ATP8A2: variants seen among roughly 807,000 people sequenced by gnomAD.
ATP8A2 encodes the protein phospholipid-transporting ATPase IB.
A neutral mutation model predicts 165.6 loss-of-function variants in ATP8A2; 100 were observed. The ratio of observed to expected loss-of-function variants is 0.60; its 90% CI spans 0.51 to 0.71. The LOEUF (loss-of-function observed/expected upper bound fraction) is 0.71, where lower values mean the gene tolerates loss of function less well. Among genes scored for constraint, ATP8A2 ranks in the 30% least tolerant of loss-of-function variants. The probability of loss-of-function intolerance (pLI) is 0.00; values close to 1 mark genes in which losing one functional copy is unlikely to be tolerated. For synonymous variants in ATP8A2, 543 were observed against 548.8 expected (o/e 0.99, Z 0.15); for missense variants, 1,227 against 1,479.5 (o/e 0.83, Z 2.80).
At chr13:25,652,002 T>C (rs2041824419) in intron 24 of ATP8A2, among the ~76,000 whole-genome samples, 1 of 152,208 alleles carries the variant, frequency 6.6e-6, no homozygotes, top group Admixed American at 6.5e-5. Flanking sequence ...AATCAAACTA[T>C]GTCTCTGATC....
chr13:25,601,610 G>A (rs1223736438), intron 24 of ATP8A2, among the ~76,000 whole-genome samples: 7 of 152,058 alleles, frequency 4.6e-5, no homozygotes, highest in Non-Finnish European at 7.4e-5. Flanking sequence ...GACTACAGGC[G>A]CGCTACAGGC....
intron 33 of ATP8A2, among the ~76,000 whole-genome samples, chr13:25,922,222 T>A (rs1215894289): frequency 6.6e-6 from 1 of 152,186 alleles, no homozygotes; most frequent in Non-Finnish European, 1.5e-5. Context: ...TGTGGTCAGT[T>A]TATTATGCTT....
At chr13:25,476,785 A>G (rs1345032725) in intron 2 of ATP8A2, among the ~76,000 whole-genome samples, 6 of 152,160 alleles carry the variant, frequency 3.9e-5, no homozygotes, top group Non-Finnish European at 7.4e-5. Flanking sequence ...AAGTGGATAT[A>G]CTTGGTTAAT....
Position 25,958,656 on chromosome 13 carries a change from C to T in ATP8A2, c.3184-2919C>T, listed in dbSNP as rs1272094864. Among the ~76,000 whole-genome samples, 3 of 152,228 alleles carry T rather than the reference C, an allele frequency of 2.0e-5. No homozygotes were observed. In the East Asian group the frequency reaches 5.8e-4, roughly 29 times the overall value. ...TCAGTAGATCACCTTAGAAGGATTTCAGACTCTGGGTCTCAGTCCATCTGT... is the reference window on the plus strand; with the variant it reads ...TCAGTAGATCACCTTAGAAGGATTTTAGACTCTGGGTCTCAGTCCATCTGT... On this transcript the variant is annotated intron_variant, in intron 33 of 36. Coordinates refer to ENST00000381655, the MANE Select transcript of ATP8A2 (RefSeq NM_016529.6).
intron 35 of ATP8A2, among the ~76,000 whole-genome samples, chr13:25,992,995 A>AT: frequency 6.7e-6 from 1 of 149,732 alleles, no homozygotes. Flanking sequence ...AATTTCATCC[A>AT]TGTCCCTACA....
chr13:25,754,748 A>C (rs1186896986), intron 25 of ATP8A2, among the ~76,000 whole-genome samples: 1 of 152,178 alleles, frequency 6.6e-6, no homozygotes, highest in Non-Finnish European at 1.5e-5. Context: ...TCTGTTTTTT[A>C]ATATAGCAAA....
chr13:25,876,426 A>G (rs306395), intron 33 of ATP8A2, among the ~76,000 whole-genome samples: 76,359 of 152,060 alleles, frequency 0.5, 19,962 homozygotes, highest in African/African-American at 0.64. Context: ...AAAGGAGAGC[A>G]AGGGAGGAAA....
chr13:25,560,586 G>C (rs1324577537), intron 15 of ATP8A2, among the ~76,000 whole-genome samples: 1 of 149,930 alleles, frequency 6.7e-6, no homozygotes, highest in Non-Finnish European at 1.5e-5. Context: ...TGTAATCTCA[G>C]CTACTCGGGA....
At chr13:25,447,617 G>A (rs570528285) in intron 1 of ATP8A2, among the ~76,000 whole-genome samples, 15 of 152,324 alleles carry the variant, frequency 9.8e-5, no homozygotes, top group East Asian at 7.7e-4. Context: ...ACCAGAGGGC[G>A]TGTGTTACAA....
At chr13:25,761,805 A>G (rs1182113583) in intron 25 of ATP8A2, among the ~76,000 whole-genome samples, 1 of 151,938 alleles carries the variant, frequency 6.6e-6, no homozygotes, top group Non-Finnish European at 1.5e-5. Flanking sequence ...TTAAGCCTTC[A>G]AAGTGCTTTT....
chr13:25,850,896 C>T (rs959984074), intron 30 of ATP8A2, among the ~76,000 whole-genome samples: 19 of 152,172 alleles, frequency 1.2e-4, no homozygotes, highest in African/African-American at 3.6e-4. Context: ...TAACAAGAAA[C>T]GACACCCACA....
intron 27 of ATP8A2, among the ~76,000 whole-genome samples, chr13:25,820,962 T>C (rs1236165849): frequency 6.6e-6 from 1 of 151,850 alleles, no homozygotes; most frequent in Admixed American, 6.6e-5. Flanking sequence ...TTTTTTTTTC[T>C]CTACCAAGTA....
chr13:25,699,195 A>G lies in ATP8A2; in HGVS notation c.2234A>G (p.Gln745Arg). 1 of 1,591,904 alleles carries G rather than the reference A, an allele frequency of 6.3e-7. No individual in the cohort carries two copies. Among genetic ancestry groups the G allele is most frequent in the Non-Finnish European group, 8.6e-7 (1 of 1,169,174 alleles). ...SLDATRAAIT[Q>R]HCTDLGNLLG... ...CAGGCCACAAGGGCAGCCATTACTC[A>G]GCACTGCACTGACCTTGGGAATTTG... Residue 745 changes from glutamine (Q) to arginine (R), a missense_variant, in exon 25 of 37, where the codon CAG (glutamine) becomes CGG (arginine). Transcript: ENST00000381655.
At position 25,571,695 on chromosome 13, in the gene ATP8A2, G is replaced by A; in HGVS notation, c.1662+3G>A. 6.2e-7 allele frequency: 1 copy of A among 1,613,124 alleles called. No individual in the cohort carries two copies. The highest frequency in any genetic ancestry group is 8.5e-7 in the Non-Finnish European group (1 of 1,179,056). ...CATTCTCAGTCATCATAGAAGCGGT[G>A]AGTAACATGCGTGTGCACATTTCAG... On this transcript the variant is annotated splice_donor_region_variant and intron_variant, in intron 18 of 36. Transcript: ENST00000381655.
At chr13:26,018,604 C>T (rs1462759036) in intron 36 of ATP8A2, among the ~76,000 whole-genome samples, 1 of 152,162 alleles carries the variant, frequency 6.6e-6, no homozygotes, top group East Asian at 1.9e-4. Context: ...TTTCCAGACC[C>T]CTGACACAGA....
Position 25,837,075 on chromosome 13 carries a change from G to C in ATP8A2, c.2755-88G>C. On this transcript the variant is annotated intron_variant, in intron 28 of 36. Coordinates refer to ENST00000381655, the MANE Select transcript of ATP8A2 (RefSeq NM_016529.6). The stretch of plus-strand genomic sequence containing the variant: ...GGAGTCTCAGGTTTGGACTTGACTG[G>C]AAGTGAAGTCATCATTTGGTAGAAG... 3 of 1,513,880 alleles carry C rather than the reference G, an allele frequency of 2.0e-6. No individual in the cohort carries two copies. In the South Asian group the frequency reaches 3.7e-5, roughly 19 times the overall value. The allele number at this position is 1,513,880 out of a possible 1,614,324, so 93.8% of individuals were successfully genotyped here.
intron 36 of ATP8A2, among the ~76,000 whole-genome samples, chr13:26,014,494 C>T (rs767353092): frequency 6.6e-6 from 1 of 152,064 alleles, no homozygotes; most frequent in Non-Finnish European, 1.5e-5. Flanking sequence ...CTTAGCATCT[C>T]GTTGTCTGGA....
At chr13:25,536,183 C>T (rs2038277048) in intron 6 of ATP8A2, among the ~76,000 whole-genome samples, 1 of 152,150 alleles carries the variant, frequency 6.6e-6, no homozygotes, top group East Asian at 1.9e-4. Flanking sequence ...GCCGTCTTGG[C>T]TCACTGCAAC....
intron 25 of ATP8A2, among the ~76,000 whole-genome samples, chr13:25,707,413 C>T (rs535947453): frequency 6.6e-6 from 1 of 152,160 alleles, no homozygotes; most frequent in African/African-American, 2.4e-5. Flanking sequence ...TATATCATCA[C>T]TATCTGGGTG....
Sources: allele counts gnomAD v4.1 joint callset (sites outside exome capture counted in the v4.1 genomes callset), GRCh38; gene constraint gnomAD v4.1.1; transcripts MANE v1.5; gene names NCBI Gene and HGNC (gene_info 2026-07-23, HGNC 2026-07-21).